The following GFPT1 variants were observed in gnomAD, a reference collection of about 807,000 sequenced individuals.
GFPT1 encodes the protein glutamine--fructose-6-phosphate aminotransferase [isomerizing] 1.
A neutral mutation model predicts 92.0 loss-of-function variants in GFPT1; 40 were observed. The observed-to-expected ratio is 0.43, with a 90% CI of 0.34 to 0.57. The LOEUF (loss-of-function observed/expected upper bound fraction) is 0.57. Ranked by LOEUF, GFPT1 falls within the 20% of genes least tolerant of loss-of-function variation. The pLI is 0.02. For missense variants in GFPT1, 448 were observed against 869.1 expected (o/e 0.52, Z 6.09); for synonymous variants, 269 against 280.6 (o/e 0.96, Z 0.41).
intron 13 of GFPT1, among the ~76,000 whole-genome samples, chr2:69,339,515 T>G (rs1670884368): frequency 6.6e-6 from 1 of 152,134 alleles, no homozygotes; most frequent in African/African-American, 2.4e-5. Flanking sequence ...AACAGAAAAA[T>G]TATCTTTTAG....
intron 1 of GFPT1, among the ~76,000 whole-genome samples, chr2:69,380,193 A>G (rs1671975474): frequency 6.6e-6 from 1 of 151,902 alleles, no homozygotes; most frequent in African/African-American, 2.4e-5. Context: ...CAAAATTCCT[A>G]GCCAGGCATG....
chr2:69,326,632 A>G (rs1670538685), intron 19 of GFPT1, among the ~76,000 whole-genome samples: 1 of 152,234 alleles, frequency 6.6e-6, no homozygotes, highest in Admixed American at 6.5e-5. Context: ...GCCAAATGCC[A>G]ATAGCTGCCC....
At chr2:69,327,458 G>A (rs1670558754) in intron 18 of GFPT1, among the ~76,000 whole-genome samples, 1 of 151,980 alleles carries the variant, frequency 6.6e-6, no homozygotes, top group Admixed American at 6.6e-5. Flanking sequence ...CTAGATGTTA[G>A]ATTTCCCCTG....
At chr2:69,372,809 C>T (rs907862548) in intron 2 of GFPT1, among the ~76,000 whole-genome samples, 1 of 152,026 alleles carries the variant, frequency 6.6e-6, no homozygotes, top group Non-Finnish European at 1.5e-5. Flanking sequence ...GTTAAGTGTA[C>T]AAAAAAGAGT....
At chr2:69,366,368 T>C (rs994940748) in intron 3 of GFPT1, among the ~76,000 whole-genome samples, 3 of 152,210 alleles carry the variant, frequency 2.0e-5, no homozygotes, top group Non-Finnish European at 4.4e-5. Flanking sequence ...TGACTTTGAA[T>C]CCTTGACGCT....
At position 69,336,955 on chromosome 2, in the gene GFPT1, A is replaced by C. The variant is rs150621800; in HGVS notation, c.1482+943T>G. On this transcript the variant is annotated intron_variant, in intron 15 of 19. Coordinates refer to ENST00000357308, the MANE Select transcript of GFPT1 (RefSeq NM_001244710.2). The stretch of plus-strand genomic sequence containing the variant: ...AGCAAAGTAGTCTTACCAGGCCTTC[A>C]AAACACAAGACAGTACCTTTAAACC... Among the ~76,000 whole-genome samples, 912 of 152,244 alleles carry C rather than the reference A, an allele frequency of 6.0e-3. 10 individuals are homozygous for C. Among genetic ancestry groups the C allele is most frequent in the African/African-American group, 0.021 (873 of 41,534 alleles).
At chr2:69,347,841 T>C (rs1461294464) in intron 11 of GFPT1, among the ~76,000 whole-genome samples, 1 of 152,180 alleles carries the variant, frequency 6.6e-6, no homozygotes. Context: ...ATTATCCTCA[T>C]GTTATATATA....
intron 15 of GFPT1, among the ~76,000 whole-genome samples, chr2:69,336,880 T>G (rs1670813031): frequency 6.6e-6 from 1 of 152,034 alleles, no homozygotes; most frequent in Non-Finnish European, 1.5e-5. Context: ...CTTTCTAAGA[T>G]TTCCTATTTT....
chr2:69,328,298 A>G lies in GFPT1; in HGVS notation c.1866T>C (p.Asn622=). ...GCCGAGCAACCACTTGCTGAAGAGC[A>G]TTCTGACACTTGGCATAAGTGTGAT... is the stretch of plus-strand genomic sequence containing the variant. ...MRDHTYAKCQ[N]ALQQVVARQG... is the part of the protein sequence containing the mutation. Residue 622 remains asparagine (N), a synonymous_variant, in exon 18 of 20, where the codon AAT becomes AAC. Transcript: ENST00000357308. The G allele has an allele frequency of 6.2e-7, 1 of 1,613,990 alleles. No individual in the cohort carries two copies. The highest frequency in any genetic ancestry group is 1.1e-5 in the South Asian group (1 of 91,070).
intron 2 of GFPT1, among the ~76,000 whole-genome samples, chr2:69,372,538 A>G (rs1671776439): frequency 6.6e-6 from 1 of 152,026 alleles, no homozygotes; most frequent in African/African-American, 2.4e-5. Context: ...GCACCATTGC[A>G]CTCCAGCCTG....
intron 3 of GFPT1, among the ~76,000 whole-genome samples, chr2:69,368,800 T>C (rs1186416628): frequency 1.3e-5 from 2 of 152,076 alleles, no homozygotes; most frequent in African/African-American, 4.8e-5. Context: ...TGAAAAATGG[T>C]GATTCTGTTC....
In GFPT1 at chr2:69,359,288, T is replaced by C. The variant is rs1671413779; in HGVS notation, c.388A>G (p.Lys130Glu). The C allele has an allele frequency of 6.3e-7, 1 of 1,583,306 alleles. No homozygotes were observed. The highest frequency in any genetic ancestry group is 8.7e-7 in the Non-Finnish European group (1 of 1,153,034). Reference sequence around the variant, plus strand: ...CTTACCAAAAACTTTTTCAAGTCTTTGTAGTTGGTGATGATTCCATTGTGA... The same window carrying C: ...CTTACCAAAAACTTTTTCAAGTCTTCGTAGTTGGTGATGATTCCATTGTGA... Reference protein sequence around the residue: ...VIHNGIITNYKDLKKFLESKG... With the variant: ...VIHNGIITNYEDLKKFLESKG... Residue 130 changes from lysine (K) to glutamate (E), a missense_variant, in exon 5 of 20, where the codon AAA becomes GAA. By Grantham distance (56) the Lys-to-Glu change is moderately conservative. Coordinates refer to ENST00000357308, the MANE Select transcript of GFPT1 (RefSeq NM_001244710.2).
At chr2:69,348,102 C>G (rs1201614096) in intron 11 of GFPT1, 69 bp downstream of exon 11, 1 of 1,194,644 alleles carries the variant, frequency 8.4e-7, no homozygotes, top group African/African-American at 1.5e-5. Context: ...ATTTAATATG[C>G]TAGGAAAGGA....
At chr2:69,367,157 A>G (rs1307573111) in intron 3 of GFPT1, among the ~76,000 whole-genome samples, 1 of 152,206 alleles carries the variant, frequency 6.6e-6, no homozygotes, top group Non-Finnish European at 1.5e-5. Context: ...ACACAGTCTT[A>G]CTATTCATGC....
At chr2:69,358,184 C>A in intron 6 of GFPT1, 145 bp downstream of exon 6, 1 of 667,586 alleles carries the variant, frequency 1.5e-6, no homozygotes, top group South Asian at 1.8e-5. Context: ...ATCAGTTTCT[C>A]AAAATTATTC....
intron 6 of GFPT1, among the ~76,000 whole-genome samples, chr2:69,357,620 G>C (rs993338299): frequency 2.6e-5 from 4 of 152,242 alleles, no homozygotes; most frequent in Non-Finnish European, 1.5e-5. Context: ...GTGCAGGTGG[G>C]AGAGAAGTGA....
chr2:69,354,412 C>T, intron 8 of GFPT1, 77 bp downstream of exon 8: 1 of 1,274,610 alleles, frequency 7.8e-7, no homozygotes, highest in Non-Finnish European at 1.1e-6. Context: ...GTGCATCTGA[C>T]CAAAGAGCCA....
intron 3 of GFPT1, among the ~76,000 whole-genome samples, chr2:69,369,777 T>G (rs1671698033): frequency 6.6e-6 from 1 of 152,230 alleles, no homozygotes; most frequent in Admixed American, 6.5e-5. Context: ...TATACCTAAC[T>G]AATTTCCTTC....
At chr2:69,369,780 T>C (rs560948703) in intron 3 of GFPT1, among the ~76,000 whole-genome samples, 2 of 152,324 alleles carry the variant, frequency 1.3e-5, no homozygotes, top group African/African-American at 4.8e-5. Flanking sequence ...ACCTAACTAA[T>C]TTCCTTCCCT....
Sources: allele counts gnomAD v4.1 joint callset (sites outside exome capture counted in the v4.1 genomes callset), GRCh38; gene constraint gnomAD v4.1.1; transcripts MANE v1.5; gene names NCBI Gene and HGNC (gene_info 2026-07-23, HGNC 2026-07-21).